The following SUCLG2 variants were observed in gnomAD, a reference collection of about 807,000 sequenced individuals.
SUCLG2 encodes succinate-CoA ligase GDP-forming subunit beta, also known as succinate--CoA ligase [GDP-forming] subunit beta, mitochondrial.
A neutral mutation model predicts 47.9 loss-of-function variants in SUCLG2; 42 were observed. The observed-to-expected ratio is 0.88, with a 90% CI of 0.69 to 1.14. SUCLG2 has a LOEUF of 1.14. Ranked by LOEUF, SUCLG2 falls within the 50% of genes most tolerant of loss-of-function variation. The pLI, the probability that SUCLG2 is intolerant of heterozygous loss-of-function variation, is 0.00. For synonymous variants in SUCLG2, 195 were observed against 197.3 expected (o/e 0.99, Z 0.10); for missense variants, 571 against 525.9 (o/e 1.09, Z -0.84).
intron 10 of SUCLG2, among the ~76,000 whole-genome samples, chr3:67,382,035 C>A (rs576266033): frequency 1.3e-4 from 20 of 152,146 alleles, no homozygotes; most frequent in Admixed American, 7.9e-4. Flanking sequence ...TGAAGAAAAT[C>A]ATTTTCCAGT....
At chr3:67,634,802 G>C (rs1559606400) in intron 1 of SUCLG2, among the ~76,000 whole-genome samples, 1 of 152,148 alleles carries the variant, frequency 6.6e-6, no homozygotes, top group African/African-American at 2.4e-5. Flanking sequence ...GGAATCTGCT[G>C]AAACTCAGTG....
intron 9 of SUCLG2, among the ~76,000 whole-genome samples, chr3:67,469,053 AAGAACAGCTCAG>A: frequency 6.6e-6 from 1 of 152,342 alleles, no homozygotes; most frequent in South Asian, 2.1e-4. Flanking sequence ...CTGGAGCAGA[AAGAACAGCTCAG>A]TCGAAGTCTT....
intron 10 of SUCLG2, among the ~76,000 whole-genome samples, chr3:67,392,735 T>G (rs143202161): frequency 8.0e-4 from 122 of 152,200 alleles, no homozygotes; most frequent in Non-Finnish European, 1.6e-3. Context: ...TTTGTACTCA[T>G]AGGTTGAAAG....
At chr3:67,457,225 T>C (rs1032004654) in intron 9 of SUCLG2, among the ~76,000 whole-genome samples, 3 of 152,208 alleles carry the variant, frequency 2.0e-5, no homozygotes, top group African/African-American at 7.2e-5. Flanking sequence ...GACTCTAGTA[T>C]GGTTCTCCAG....
intron 2 of SUCLG2, among the ~76,000 whole-genome samples, chr3:67,601,382 T>G (rs1475021607): frequency 6.6e-6 from 1 of 152,196 alleles, no homozygotes; most frequent in African/African-American, 2.4e-5. Context: ...AATGAGCATG[T>G]TCCTTTGATA....
intron 5 of SUCLG2, 91 bp downstream of exon 5, chr3:67,520,391 A>G: frequency 6.4e-7 from 1 of 1,555,412 alleles, no homozygotes; most frequent in South Asian, 1.1e-5. Context: ...AGACAGATTT[A>G]GTGCTCCTGG....
chr3:67,599,173 G>A (rs1185004599), intron 2 of SUCLG2, among the ~76,000 whole-genome samples: 1 of 152,176 alleles, frequency 6.6e-6, no homozygotes, highest in African/African-American at 2.4e-5. Flanking sequence ...GATTCTAGAG[G>A]CTAAGTAACT....
At chr3:67,384,586 A>T (rs1460979150) in intron 10 of SUCLG2, among the ~76,000 whole-genome samples, 2 of 152,192 alleles carry the variant, frequency 1.3e-5, no homozygotes, top group Non-Finnish European at 2.9e-5. Context: ...CCTTGTGGCT[A>T]AAGGGTCAGG....
intron 2 of SUCLG2, among the ~76,000 whole-genome samples, chr3:67,603,325 A>G (rs1433632231): frequency 6.6e-6 from 1 of 152,250 alleles, no homozygotes. Context: ...TTAATTGACT[A>G]TGGGATTAAT....
chr3:67,631,642 A>G (rs1700928139), intron 1 of SUCLG2, among the ~76,000 whole-genome samples: 1 of 152,130 alleles, frequency 6.6e-6, no homozygotes, highest in Non-Finnish European at 1.5e-5. Context: ...AAATAAAAAA[A>G]TAAAGTATTT....
intron 2 of SUCLG2, among the ~76,000 whole-genome samples, chr3:67,529,885 T>C (rs1352964790): frequency 6.6e-6 from 1 of 152,192 alleles, no homozygotes; most frequent in African/African-American, 2.4e-5. Flanking sequence ...AACACAAATA[T>C]CTTCCCTTGC....
At chr3:67,474,903 A>G (rs891641651) in intron 9 of SUCLG2, among the ~76,000 whole-genome samples, 2 of 152,066 alleles carry the variant, frequency 1.3e-5, no homozygotes, top group Non-Finnish European at 2.9e-5. Flanking sequence ...TACAACACCA[A>G]CATAAGTAGG....
intron 2 of SUCLG2, among the ~76,000 whole-genome samples, chr3:67,593,808 A>G (rs1240333733): frequency 6.6e-6 from 1 of 152,172 alleles, no homozygotes; most frequent in Non-Finnish European, 1.5e-5. Flanking sequence ...TATAAGATAG[A>G]TAAGATCAGG....
chr3:67,615,621 A>ACAC (rs1553670704), intron 1 of SUCLG2, among the ~76,000 whole-genome samples: 4,788 of 142,098 alleles, frequency 0.034, 151 homozygotes, highest in East Asian at 0.11. Context: ...CACAAACACA[A>ACAC]ACACACACAC....
intron 1 of SUCLG2, among the ~76,000 whole-genome samples, chr3:67,621,872 G>A (rs2107335734): frequency 6.6e-6 from 1 of 152,248 alleles, no homozygotes; most frequent in South Asian, 2.1e-4. Flanking sequence ...ATAAGCAACA[G>A]AAAATGAACT....
At chr3:67,449,726 C>T (rs530130693) in intron 9 of SUCLG2, among the ~76,000 whole-genome samples, 26 of 151,848 alleles carry the variant, frequency 1.7e-4, no homozygotes, top group East Asian at 9.8e-4. Context: ...GCAATCCTCA[C>T]GCTCAGCCCC....
At chr3:67,610,715 G>A (rs547759778) in intron 1 of SUCLG2, among the ~76,000 whole-genome samples, 3 of 152,274 alleles carry the variant, frequency 2.0e-5, no homozygotes, top group South Asian at 2.1e-4. Context: ...TTCTGTCCAC[G>A]GCTTTGGTGG....
intron 2 of SUCLG2, among the ~76,000 whole-genome samples, chr3:67,568,922 G>T (rs1269415637): frequency 6.6e-6 from 1 of 152,098 alleles, no homozygotes; most frequent in Non-Finnish European, 1.5e-5. Flanking sequence ...AAGAGTGAAA[G>T]CTCTAAGAAC....
intron 10 of SUCLG2, among the ~76,000 whole-genome samples, chr3:67,367,700 G>A (rs12637020): frequency 0.24 from 36,700 of 151,974 alleles, 4,529 homozygotes; most frequent in Non-Finnish European, 0.27. Context: ...AAAGAGAAGC[G>A]TCTCTAGACA....
Sources: gnomAD v4.1 joint callset for allele counts (sites outside exome capture counted in the v4.1 genomes callset) on GRCh38, gnomAD v4.1.1 for gene constraint, MANE v1.5 for transcripts, NCBI Gene and HGNC (gene_info 2026-07-23, HGNC 2026-07-21) for gene names.